CCSER1: variants seen among roughly 807,000 people sequenced by gnomAD.
CCSER1 encodes serine-rich coiled-coil domain-containing protein 1.
A neutral mutation model predicts 82.0 loss-of-function variants in CCSER1; 41 were observed. The ratio of observed to expected loss-of-function variants is 0.50; its 90% CI spans 0.39 to 0.65. CCSER1 has a LOEUF of 0.65. CCSER1 is among the 30% of genes least tolerant of loss of function. The pLI, the probability that CCSER1 is intolerant of heterozygous loss-of-function variation, is 0.00. For missense variants in CCSER1, 1,119 were observed against 1,064.2 expected (o/e 1.05, Z -0.72); for synonymous variants, 414 against 383.9 (o/e 1.08, Z -0.92).
chr4:91,403,705 T>A (rs539383907), intron 10 of CCSER1, among the ~76,000 whole-genome samples: 3 of 152,294 alleles, frequency 2.0e-5, no homozygotes, highest in East Asian at 3.9e-4. Context: ...ATTTATTGAT[T>A]TGTGTATGTT....
intron 9 of CCSER1, among the ~76,000 whole-genome samples, chr4:91,059,552 C>G (rs910321455): frequency 6.6e-6 from 1 of 150,778 alleles, no homozygotes; most frequent in Admixed American, 6.7e-5. Context: ...TAAATCAAAC[C>G]AGTATAACAA....
intron 10 of CCSER1, among the ~76,000 whole-genome samples, chr4:91,501,766 A>G (rs544071416): frequency 6.6e-6 from 1 of 152,164 alleles, no homozygotes; most frequent in Non-Finnish European, 1.5e-5. Flanking sequence ...TAACTAAATT[A>G]TATATTAGTA....
chr4:90,366,414 A>C lies in CCSER1; in HGVS notation c.1510-33622A>C, dbSNP rs147108766. The stretch of plus-strand genomic sequence containing the variant: ...ATAAGTGTATAAATTTATGGGGTAC[A>C]AAGTGATGTTATAATTTATGAATAC... On this transcript the variant is annotated intron_variant, in intron 3 of 10. Coordinates refer to ENST00000509176, the MANE Select transcript of CCSER1 (RefSeq NM_001145065.2). Among the ~76,000 whole-genome samples, 1,200 of 151,946 alleles carry C rather than the reference A, an allele frequency of 7.9e-3. 20 individuals are homozygous for C. The highest frequency in any genetic ancestry group is 0.025 in the African/African-American group (1,027 of 41,548).
intron 10 of CCSER1, among the ~76,000 whole-genome samples, chr4:91,299,953 A>T (rs1368826661): frequency 6.6e-6 from 1 of 152,006 alleles, no homozygotes; most frequent in Non-Finnish European, 1.5e-5. Flanking sequence ...GAAGTAAAAG[A>T]GAAACACACA....
intron 10 of CCSER1, among the ~76,000 whole-genome samples, chr4:91,537,989 G>A (rs1003478553): frequency 2.6e-5 from 4 of 151,972 alleles, no homozygotes; most frequent in African/African-American, 9.7e-5. Context: ...AATACTGTTA[G>A]GATGAATTGG....
intron 3 of CCSER1, among the ~76,000 whole-genome samples, chr4:90,388,792 C>T (rs1022503029): frequency 1.3e-5 from 2 of 151,014 alleles, no homozygotes; most frequent in African/African-American, 4.9e-5. Flanking sequence ...CCTGCCACCA[C>T]ATTTGGCTAA....
intron 1 of CCSER1, among the ~76,000 whole-genome samples, chr4:90,224,993 G>GT (rs1358192442): frequency 6.6e-6 from 1 of 151,972 alleles, no homozygotes; most frequent in Non-Finnish European, 1.5e-5. Flanking sequence ...AGACAGGCCT[G>GT]TAAGATCCTG....
Position 91,086,462 on chromosome 4 carries a change from GC to G in CCSER1, c.2217+469del, listed in dbSNP as rs555715917. Among the ~76,000 whole-genome samples the G allele has an allele frequency of 7.8e-3, 1,194 of 152,150 alleles. 11 individuals carry two copies. Among genetic ancestry groups the G allele is most frequent in the African/African-American group, 0.027 (1,108 of 41,534 alleles). ...GAGAGTATGAAGTTGCTCTGGTAAA[GC>G]TAGTAATTTTAAAACTAACTGAATG... On this transcript the variant is annotated intron_variant, in intron 10 of 10. Transcript: ENST00000509176.
intron 10 of CCSER1, among the ~76,000 whole-genome samples, chr4:91,539,092 A>G (rs1190997998): frequency 6.6e-6 from 1 of 151,932 alleles, no homozygotes; most frequent in Non-Finnish European, 1.5e-5. Context: ...TGAATCATCC[A>G]ATTGTTTTAG....
At chr4:91,085,350 G>A (rs1241725140) in intron 9 of CCSER1, among the ~76,000 whole-genome samples, 1 of 152,000 alleles carries the variant, frequency 6.6e-6, no homozygotes, top group Non-Finnish European at 1.5e-5. Context: ...TACTTTTAAT[G>A]ACAAAATTGA....
chr4:90,697,674 A>T (rs982195035), intron 6 of CCSER1, among the ~76,000 whole-genome samples: 1 of 152,204 alleles, frequency 6.6e-6, no homozygotes, highest in Non-Finnish European at 1.5e-5. Context: ...TTCATTTAAC[A>T]TAATGATTCT....
intron 10 of CCSER1, among the ~76,000 whole-genome samples, chr4:91,264,356 C>T (rs1309185636): frequency 6.6e-6 from 1 of 151,696 alleles, no homozygotes; most frequent in Admixed American, 6.6e-5. Context: ...GTAGGTACTT[C>T]ATAATCTTTC....
At chr4:90,632,161 T>C (rs2148936543) in intron 6 of CCSER1, among the ~76,000 whole-genome samples, 1 of 152,284 alleles carries the variant, frequency 6.6e-6, no homozygotes, top group South Asian at 2.1e-4. Flanking sequence ...AATTTACTTC[T>C]TTCTAAATTT....
chr4:91,181,508 C>A (rs932842858), intron 10 of CCSER1, among the ~76,000 whole-genome samples: 1 of 152,144 alleles, frequency 6.6e-6, no homozygotes, highest in Admixed American at 6.6e-5. Flanking sequence ...TAGGCCATAT[C>A]ATTTGAGGTT....
intron 10 of CCSER1, among the ~76,000 whole-genome samples, chr4:91,357,933 A>G: frequency 8.8e-6 from 1 of 113,292 alleles, no homozygotes; most frequent in East Asian, 3.1e-4. Context: ...TTTAAAGCAA[A>G]CTTTCTTTAT....
At position 91,188,646 on chromosome 4, in the gene CCSER1, C is replaced by G. The variant is rs370349195; in HGVS notation, c.2217+102652C>G. 3.3e-3 allele frequency among the ~76,000 whole-genome samples: 508 copies of G among 152,168 alleles called. 1 individual carries two copies. Among genetic ancestry groups the G allele is most frequent in the African/African-American group, 0.012 (481 of 41,534 alleles). ...AATAGCAGCAGGTCTCAGTCATGTTCGCTGGTATGTCCTAGGTCATTAGCT... is the reference window on the plus strand; with the variant it reads ...AATAGCAGCAGGTCTCAGTCATGTTGGCTGGTATGTCCTAGGTCATTAGCT... On this transcript the variant is annotated intron_variant, in intron 10 of 10. Transcript: ENST00000509176.
At chr4:90,321,203 C>T (rs1208673978) in intron 3 of CCSER1, among the ~76,000 whole-genome samples, 1 of 152,012 alleles carries the variant, frequency 6.6e-6, no homozygotes, top group Non-Finnish European at 1.5e-5. Context: ...TTAATGTCCC[C>T]CCAACCCTCC....
At chr4:91,372,816 G>T (rs1453182070) in intron 10 of CCSER1, among the ~76,000 whole-genome samples, 1 of 151,964 alleles carries the variant, frequency 6.6e-6, no homozygotes, top group Non-Finnish European at 1.5e-5. Context: ...ATTAAACTCT[G>T]AGTAAGAGAC....
chr4:90,512,186 A>G (rs1260765110), intron 5 of CCSER1, among the ~76,000 whole-genome samples: 1 of 151,814 alleles, frequency 6.6e-6, no homozygotes, highest in African/African-American at 2.4e-5. Context: ...GAGAATGGAG[A>G]TGCAATATAG....
Sources: allele counts gnomAD v4.1 joint callset (sites outside exome capture counted in the v4.1 genomes callset), GRCh38; gene constraint gnomAD v4.1.1; transcripts MANE v1.5; gene names NCBI Gene and HGNC (gene_info 2026-07-23, HGNC 2026-07-21).